LIPC: variants seen among roughly 807,000 people sequenced by gnomAD.
LIPC encodes hepatic triacylglycerol lipase.
Under a neutral mutation model 50.7 loss-of-function variants are expected in LIPC, and 44 were observed. The ratio of observed to expected loss-of-function variants is 0.87; its 90% CI spans 0.68 to 1.11. The LOEUF (loss-of-function observed/expected upper bound fraction) is 1.11, where lower values mean the gene tolerates loss of function less well. Among genes scored for constraint, LIPC ranks in the 50% most tolerant of loss-of-function variants. The probability of loss-of-function intolerance (pLI) is 0.00; values close to 1 mark genes in which losing one functional copy is unlikely to be tolerated. For missense variants in LIPC, 697 were observed against 648.2 expected, an observed-to-expected ratio of 1.08 and a Z score of -0.82; for synonymous variants, 271 against 256.4, an observed-to-expected ratio of 1.06 and a Z score of -0.54.
At chr15:58,554,001 A>G (rs561566490) in intron 6 of LIPC, among the ~76,000 whole-genome samples, 1 of 152,244 alleles carries the variant, frequency 6.6e-6, no homozygotes, top group East Asian at 1.9e-4. Context: ...GGAGGGGGAA[A>G]AAAAAAAAGC....
At chr15:58,557,379 CTTTTTT>C (rs386383140) in intron 6 of LIPC, among the ~76,000 whole-genome samples, 4 of 75,692 alleles carry the variant, frequency 5.3e-5, no homozygotes, top group African/African-American at 1.6e-4. Context: ...ATTATATGCT[CTTTTTT>C]TTTTTTTTTT....
At chr15:58,543,371 G>A (rs921440297) in intron 4 of LIPC, among the ~76,000 whole-genome samples, 1 of 151,242 alleles carries the variant, frequency 6.6e-6, no homozygotes, top group African/African-American at 2.4e-5. Flanking sequence ...AAGCCCCAGA[G>A]TGCCCCAGCC....
intron 1 of LIPC, among the ~76,000 whole-genome samples, chr15:58,504,412 G>A (rs547741045): frequency 4.6e-5 from 7 of 152,266 alleles, no homozygotes; most frequent in East Asian, 3.9e-4. Flanking sequence ...TCTTTAAGCC[G>A]AATCACAAAG....
intron 1 of LIPC, chr15:58,432,330 T>A: frequency 3.3e-6 from 2 of 602,344 alleles, no homozygotes; most frequent in Non-Finnish European, 5.9e-6. Context: ...GGATTAAAAG[T>A]CTTCTAAGAG....
At chr15:58,485,559 C>A (rs1271867220) in intron 1 of LIPC, among the ~76,000 whole-genome samples, 1 of 141,234 alleles carries the variant, frequency 7.1e-6, no homozygotes, top group African/African-American at 2.6e-5. Flanking sequence ...CGACTGAAGA[C>A]CTTTCATACT....
chr15:58,567,213 AAAT>A (rs1182268373), intron 8 of LIPC, among the ~76,000 whole-genome samples: 6 of 139,324 alleles, frequency 4.3e-5, no homozygotes, highest in East Asian at 2.0e-4. Context: ...AAAAAATAAA[AAAT>A]ATATATATAT....
In LIPC at chr15:58,499,156, C is replaced by A. The variant is rs528248750; in HGVS notation, c.89-39177C>A. On this transcript the variant is annotated intron_variant, in intron 1 of 8. Coordinates refer to ENST00000299022, the MANE Select transcript of LIPC (RefSeq NM_000236.3). ...CGAGAACACCAGGGAACATGCACAT[C>A]GATCCTGATTTGAGCAAGTGTTCTC... Among the ~76,000 whole-genome samples, 225 of 152,316 alleles carry A rather than the reference C, an allele frequency of 1.5e-3. 2 individuals carry two copies. Among genetic ancestry groups the A allele is most frequent in the African/African-American group, 5.0e-3 (207 of 41,580 alleles).
At chr15:58,522,939 G>A (rs1892698366) in intron 1 of LIPC, 1 of 152,256 alleles carries the variant, frequency 6.6e-6, no homozygotes, top group Admixed American at 6.5e-5. Flanking sequence ...CGTCACTTTT[G>A]ACACATCTAA....
Position 58,569,209 on chromosome 15 carries a change from T to G in LIPC, c.*382T>G, listed in dbSNP as rs138404648. Reference sequence around the variant, plus strand: ...CCATGCTAGAAAGATACTTTTTTATTAGGTAACTAGTGCTTCAATAAAGCA... The same window carrying G: ...CCATGCTAGAAAGATACTTTTTTATGAGGTAACTAGTGCTTCAATAAAGCA... On this transcript the variant is annotated 3_prime_UTR_variant, in exon 9 of 9. Coordinates refer to ENST00000299022, the MANE Select transcript of LIPC (RefSeq NM_000236.3). 2.6e-3 allele frequency: 419 copies of G among 160,766 alleles called. 3 individuals carry two copies. The highest frequency in any genetic ancestry group is 9.8e-3 in the African/African-American group (409 of 41,692). 10.0% of individuals were successfully genotyped at this position (160,766 alleles called of 1,614,324 possible).
intron 6 of LIPC, among the ~76,000 whole-genome samples, chr15:58,557,386 T>TTTTTC (rs1156665222): frequency 1.7e-5 from 2 of 115,318 alleles, no homozygotes; most frequent in African/African-American, 6.9e-5. Context: ...GCTCTTTTTT[T>TTTTTC]TTTTTTTTTT....
chr15:58,551,162 C>G (rs1306759531), intron 6 of LIPC, among the ~76,000 whole-genome samples: 3 of 152,032 alleles, frequency 2.0e-5, no homozygotes, highest in African/African-American at 7.2e-5. Flanking sequence ...TCTGCTCCCC[C>G]ACAAATTCTC....
rs1172485342 is a variant in LIPC, at chr15:58,568,808, C to T, written c.1481C>T (p.Ser494Leu). 7.5e-6 allele frequency: 12 copies of T among 1,598,864 alleles called. No homozygotes were observed. The highest frequency in any genetic ancestry group is 9.4e-6 in the Non-Finnish European group (11 of 1,167,898). The stretch of plus-strand genomic sequence containing the variant: ...AAATGTGAAATAAAGTCTAAAACAT[C>T]AAAGCGAAAGATCAGATGAGATTTA... ...FVKCEIKSKT[S>L]KRKIR Residue 494 changes from serine (S) to leucine (L), a missense_variant, in exon 9 of 9, where the codon TCA becomes TTA. By Grantham distance (145) the Ser-to-Leu change is moderately radical. Transcript: ENST00000299022.
rs567104108 is a variant in LIPC at position 58,545,653 on chromosome 15, G to A, written c.575-89G>A. ...TGTTTCTTCTTCCTGCTAGTTCACTGATGTATAATAATATCCAAAAGCTAA... is the reference window on the plus strand; with the variant it reads ...TGTTTCTTCTTCCTGCTAGTTCACTAATGTATAATAATATCCAAAAGCTAA... On this transcript the variant is annotated intron_variant, in intron 4 of 8. Transcript: ENST00000299022. 814 of 1,084,860 alleles carry A rather than the reference G, an allele frequency of 7.5e-4. 9 individuals carry two copies. The African/African-American group carries it at 0.011, about 15-fold the overall frequency. 67.2% of individuals were successfully genotyped at this position (1,084,860 alleles called of 1,614,324 possible).
chr15:58,456,860 G>A (rs1001442486), intron 1 of LIPC, among the ~76,000 whole-genome samples: 5 of 152,210 alleles, frequency 3.3e-5, no homozygotes, highest in African/African-American at 9.7e-5. Context: ...TTTACCATGC[G>A]TAGAATGGGA....
At chr15:58,565,352 CA>C (rs1370183804) in intron 8 of LIPC, 3 of 1,528,550 alleles carry the variant, frequency 2.0e-6, no homozygotes, top group East Asian at 2.5e-5. Flanking sequence ...CTCACCCTGA[CA>C]ATCCCATGTG....
intron 1 of LIPC, among the ~76,000 whole-genome samples, chr15:58,502,236 C>A (rs1343807639): frequency 6.6e-6 from 1 of 152,082 alleles, no homozygotes; most frequent in Non-Finnish European, 1.5e-5. Flanking sequence ...ATTCATCAGC[C>A]CTTTCTTTCC....
rs1248965351 is a variant in LIPC at position 58,500,728 on chromosome 15, TTCTCCCCCCACCACCCCCC to T, written c.89-37584_89-37566del. Reference sequence around the variant, plus strand: ...TTCAGATTTAGTCTCTCCCTCTCTCTTCTCCCCCCACCACCCCCCTCTCCCCCCACCACCCCCCTTCTCA... The same window carrying T: ...TTCAGATTTAGTCTCTCCCTCTCTCTTCTCCCCCCACCACCCCCCTTCTCA... On this transcript the variant is annotated intron_variant, in intron 1 of 8. Coordinates refer to ENST00000299022, the MANE Select transcript of LIPC (RefSeq NM_000236.3). 1.0e-3 allele frequency among the ~76,000 whole-genome samples: 153 copies of T among 148,730 alleles called. No individual in the cohort carries two copies. In the East Asian group the frequency reaches 0.023, roughly 23 times the overall value.
rs186610340 is a variant in LIPC at position 58,444,771 on chromosome 15, A to G, written c.88+12651A>G. 1.9e-3 allele frequency among the ~76,000 whole-genome samples: 286 copies of G among 152,324 alleles called. 1 individual carries two copies. The highest frequency in any genetic ancestry group is 6.7e-3 in the African/African-American group (280 of 41,570). ...CACATTCTGAGGTACTGAGGGTTAG[A>G]ACTTCAATGTATGAATTTGAGGGAA... is the stretch of plus-strand genomic sequence containing the variant. On this transcript the variant is annotated intron_variant, in intron 1 of 8. Transcript: ENST00000299022.
In LIPC at chr15:58,506,975, T is replaced by G. The variant is rs569093422; in HGVS notation, c.89-31358T>G. On this transcript the variant is annotated intron_variant, in intron 1 of 8. Transcript: ENST00000299022. ...CGCAAATGGTGGCAACAAGGAGAAATGCCCAGCGAAGGGGTAGGGGAAGCT... is the reference window on the plus strand; with the variant it reads ...CGCAAATGGTGGCAACAAGGAGAAAGGCCCAGCGAAGGGGTAGGGGAAGCT... Among the ~76,000 whole-genome samples, 3 of 152,072 alleles carry G rather than the reference T, an allele frequency of 2.0e-5. 1 individual carries two copies. Among genetic ancestry groups the G allele is most frequent in the Non-Finnish European group, 4.4e-5 (3 of 68,018 alleles).
Sources: allele counts gnomAD v4.1 joint callset (sites outside exome capture counted in the v4.1 genomes callset), GRCh38; gene constraint gnomAD v4.1.1; transcripts MANE v1.5; gene names NCBI Gene and HGNC (gene_info 2026-07-23, HGNC 2026-07-21).